The following HSP90AB1 variants were observed in gnomAD, a reference collection of about 807,000 sequenced individuals.
HSP90AB1 encodes the protein heat shock protein HSP 90-beta.
HSP90AB1 carries 17 observed loss-of-function variants against 67.8 expected under a neutral mutation model. The ratio of observed to expected loss-of-function variants is 0.25; its 90% confidence interval spans 0.17 to 0.38. The LOEUF is 0.38. Ranked by LOEUF, HSP90AB1 falls within the 10% of genes least tolerant of loss-of-function variation. The pLI is 1.00. For synonymous variants in HSP90AB1, 390 were observed against 312.9 expected (o/e 1.25, Z -2.60); for missense variants, 690 against 899.9 (o/e 0.77, Z 2.98).
At position 44,253,813 on chromosome 6, in the gene HSP90AB1, GTTTAT is replaced by G. The variant is rs550579126; in HGVS notation, c.*224_*228del. 3.4e-4 allele frequency: 261 copies of G among 765,326 alleles called. 2 individuals carry two copies. Among genetic ancestry groups the G allele is most frequent in the South Asian group, 2.7e-3 (200 of 73,554 alleles). 47.4% of individuals were successfully genotyped at this position (765,326 alleles called of 1,614,324 possible). On this transcript the variant is annotated 3_prime_UTR_variant, in exon 12 of 12. Coordinates refer to ENST00000371646, the MANE Select transcript of HSP90AB1 (RefSeq NM_007355.4). ...GCAGGATTGGATGTTGTGTATTGTGGTTTATTTTATTTTCTTCATTTTGTTCTGAA... is the reference window on the plus strand; with the variant it reads ...GCAGGATTGGATGTTGTGTATTGTGGTTTATTTTCTTCATTTTGTTCTGAA...
At chr6:44,248,589 G>T (rs774219552) in intron 1 of HSP90AB1, 41 bp from the exon 2 acceptor site, 1 of 1,582,626 alleles carries the variant, frequency 6.3e-7, no homozygotes, top group Non-Finnish European at 8.6e-7. Flanking sequence ...TAAACATGGG[G>T]CCTTAGTGTT....
Position 44,252,003 on chromosome 6 carries a change from G to A in HSP90AB1, c.1467G>A (p.Glu489=), listed in dbSNP as rs1226566724. The A allele has an allele frequency of 1.2e-6, 2 of 1,614,080 alleles. No homozygotes were observed. The highest frequency in any genetic ancestry group is 1.3e-5 in the African/African-American group (1 of 74,916). ...TQKSIYYITG[E]SKEQVANSAF... The stretch of plus-strand genomic sequence containing the variant: ...GTTCATTTAATTACCCTACAGGTGA[G>A]AGCAAAGAGCAGGTGGCCAACTCAG... Residue 489 remains glutamate (E), a synonymous_variant, in exon 10 of 12, where the codon GAG becomes GAA. Coordinates refer to ENST00000371646, the MANE Select transcript of HSP90AB1 (RefSeq NM_007355.4).
At chr6:44,252,741 C>T (rs867800701) in intron 10 of HSP90AB1, among the ~76,000 whole-genome samples, 17 of 152,138 alleles carry the variant, frequency 1.1e-4, no homozygotes, top group South Asian at 1.0e-3. Flanking sequence ...TGTGATTCGC[C>T]CACCTCGGCC....
rs892039349 is a variant in HSP90AB1, at chr6:44,251,370, C to T, written c.1124-48C>T. ...TTCTGTTTGAATCTGGGGACCAGGT[C>T]TGGTCTAGCTGTTTTTTACTGAGCT... On this transcript the variant is annotated intron_variant, in intron 7 of 11. Coordinates refer to ENST00000371646, the MANE Select transcript of HSP90AB1 (RefSeq NM_007355.4). 5 of 1,565,694 alleles carry T rather than the reference C, an allele frequency of 3.2e-6. No homozygotes were observed. The African/African-American group carries it at 5.5e-5, about 17-fold the overall frequency.
intron 6 of HSP90AB1, 49 bp from the exon 7 acceptor site, chr6:44,250,999 C>G (rs1439621152): frequency 1.3e-6 from 2 of 1,533,460 alleles, no homozygotes; most frequent in Non-Finnish European, 1.8e-6. Context: ...GGTGTTGGGG[C>G]TAAAAGGTCC....
At position 44,250,590 on chromosome 6, in the gene HSP90AB1, G is replaced by T; in HGVS notation, c.948G>T (p.Leu316Phe). The T allele has an allele frequency of 1.3e-6, 2 of 1,588,274 alleles. No homozygotes were observed. Among genetic ancestry groups the T allele is most frequent in the South Asian group, 1.1e-5 (1 of 90,152 alleles). ...TCACTAATGACTGGGAAGACCACTT[G>T]GCAGTCAAGGTGTGAGAAGCCTTTG... ...KSLTNDWEDH[L>F]AVKHFSVEGQ... The change falls in exon 6 of 12, where the codon TTG becomes TTT. Residue 316 changes from leucine (L) to phenylalanine (F), a missense_variant. Leu to Phe is a conservative substitution (Grantham distance 22). Transcript: ENST00000371646.
chr6:44,251,583 A>T lies in HSP90AB1; in HGVS notation c.1289A>T (p.Tyr430Phe), dbSNP rs1561900349. The change falls in exon 8 of 12, where the codon TAT (tyrosine) becomes TTT (phenylalanine). Residue 430 changes from tyrosine (Y) to phenylalanine (F), a missense_variant. Tyr to Phe is a conservative substitution (Grantham distance 22). Transcript: ENST00000371646. Reference sequence around the variant, plus strand: ...GACAAGGAGAATTACAAGAAATTCTATGAGGCATTCTCTAAAAATCTCAAG... The same window carrying T: ...GACAAGGAGAATTACAAGAAATTCTTTGAGGCATTCTCTAAAAATCTCAAG... ...AEDKENYKKF[Y>F]EAFSKNLKLG... 1.2e-6 allele frequency: 2 copies of T among 1,606,822 alleles called. No homozygotes were observed. The highest frequency in any genetic ancestry group is 2.7e-5 in the African/African-American group (2 of 74,652).
chr6:44,251,708 G>A, intron 8 of HSP90AB1, 29 bp from the exon 9 acceptor site: 1 of 1,606,374 alleles, frequency 6.2e-7, no homozygotes, highest in Non-Finnish European at 8.5e-7. Context: ...AGTTAAGCTG[G>A]ATTGTTTTTC....
chr6:44,249,476 A>T lies in HSP90AB1; in HGVS notation c.247A>T (p.Thr83Ser), dbSNP rs1052451895. 6.2e-7 allele frequency: 1 copy of T among 1,613,840 alleles called. No homozygotes were observed. The highest frequency in any genetic ancestry group is 1.3e-5 in the African/African-American group (1 of 74,928). Residue 83 changes from threonine to serine, a missense_variant, in exon 3 of 12, where the codon ACC becomes TCC. By Grantham distance (58) the Thr-to-Ser change is moderately conservative. Around this residue, in one of 7 missense-constraint regions of HSP90AB1, gnomAD observed 88 missense variants for 167.7 expected, o/e 0.52. Transcript: ENST00000371646. The stretch of plus-strand genomic sequence containing the variant: ...CATCATCCCCAACCCTCAGGAACGT[A>T]CCCTGACTTTGGTAGACACAGGCAT... ...IDIIPNPQER[T>S]LTLVDTGIGM...
At chr6:44,251,027 C>T (rs759692922) in intron 6 of HSP90AB1, 21 bp from the exon 7 acceptor site, 5 of 1,611,104 alleles carry the variant, frequency 3.1e-6, no homozygotes, top group Non-Finnish European at 4.2e-6. Context: ...AAATGTACCA[C>T]TTATTTTTGG....
intron 2 of HSP90AB1, among the ~76,000 whole-genome samples, chr6:44,249,128 C>T (rs1386523482): frequency 1.4e-5 from 2 of 138,914 alleles, no homozygotes; most frequent in South Asian, 5.0e-4. Flanking sequence ...ATCACTTGAG[C>T]CTAGGATTTC....
intron 2 of HSP90AB1, among the ~76,000 whole-genome samples, 160 bp downstream of exon 2, chr6:44,248,936 G>T (rs34242258): frequency 6.6e-6 from 1 of 152,278 alleles, no homozygotes; most frequent in African/African-American, 2.4e-5. Flanking sequence ...CTTGAACTTG[G>T]AAGGGACTAT....
At chr6:44,252,495 CTTTTT>C (rs34368867) in intron 10 of HSP90AB1, among the ~76,000 whole-genome samples, 1 of 149,044 alleles carries the variant, frequency 6.7e-6, no homozygotes, top group South Asian at 2.1e-4. Context: ...CCATCATTTT[CTTTTT>C]TTTTTCTTTT....
At chr6:44,247,695 C>T (rs778824375) in intron 1 of HSP90AB1, among the ~76,000 whole-genome samples, 2 of 152,174 alleles carry the variant, frequency 1.3e-5, no homozygotes, top group African/African-American at 4.8e-5. Flanking sequence ...GGGAAGAGAG[C>T]TTTCGGTCTC....
chr6:44,252,990 T>C (rs1780920755), intron 10 of HSP90AB1, 55 bp from the exon 11 acceptor site: 1 of 1,447,546 alleles, frequency 6.9e-7, no homozygotes, highest in South Asian at 1.2e-5. Flanking sequence ...TGACAATGCC[T>C]GTTTTCTCTT....
intron 7 of HSP90AB1, 76 bp from the exon 8 acceptor site, chr6:44,251,342 G>A (rs181336741): frequency 9.1e-6 from 14 of 1,533,970 alleles, no homozygotes; most frequent in African/African-American, 1.4e-5. Context: ...GGCTATTAGA[G>A]CCTTCTGTTT....
intron 10 of HSP90AB1, 34 bp downstream of exon 10, chr6:44,252,301 A>T (rs1424639420): frequency 6.3e-7 from 1 of 1,595,314 alleles, no homozygotes; most frequent in South Asian, 1.1e-5. Flanking sequence ...ATATTTTGTA[A>T]CATCTTCGAG....
In HSP90AB1 at chr6:44,253,398, G is replaced by C. The variant is rs1780973911; in HGVS notation, c.2065+20G>C. The C allele has an allele frequency of 6.2e-7, 1 of 1,603,684 alleles. No individual in the cohort carries two copies. Among genetic ancestry groups the C allele is most frequent in the Non-Finnish European group, 8.5e-7 (1 of 1,172,376 alleles). ...GTCTAGGTAAGTAGCTTTGGTACTT[G>C]GTGTGGCAAGGAGTTTGTGCAACTC... On this transcript the variant is annotated intron_variant, in intron 11 of 11. Coordinates refer to ENST00000371646, the MANE Select transcript of HSP90AB1 (RefSeq NM_007355.4).
Position 44,250,563 on chromosome 6 carries a change from C to G in HSP90AB1, c.921C>G (p.Ser307Arg). The change falls in exon 6 of 12, where the codon AGC becomes AGG. Residue 307 changes from serine (S) to arginine (R), a missense_variant. This residue lies in a region of HSP90AB1 where 101 missense variants were observed against 174.8 expected (regional missense o/e 0.58). Transcript: ENST00000371646. ...AGGAGTATGGAGAATTCTACAAGAGCCTCACTAATGACTGGGAAGACCACT... is the reference window on the plus strand; with the variant it reads ...AGGAGTATGGAGAATTCTACAAGAGGCTCACTAATGACTGGGAAGACCACT... Reference protein sequence around the residue: ...TQEEYGEFYKSLTNDWEDHLA... With the variant: ...TQEEYGEFYKRLTNDWEDHLA... 6.2e-7 allele frequency: 1 copy of G among 1,613,010 alleles called. No homozygotes were observed. The highest frequency in any genetic ancestry group is 8.5e-7 in the Non-Finnish European group (1 of 1,179,256).
Sources: gnomAD v4.1 joint callset for allele counts (sites outside exome capture counted in the v4.1 genomes callset) on GRCh38, gnomAD v4.1.1 for gene constraint, gnomAD v4.1.1 regional missense constraint, MANE v1.5 for transcripts, NCBI Gene and HGNC (gene_info 2026-07-23, HGNC 2026-07-21) for gene names.